The following IMMP2L variants were observed in gnomAD, a reference collection of about 807,000 sequenced individuals.
IMMP2L encodes the protein inner mitochondrial membrane peptidase subunit 2.
In IMMP2L, 18 loss-of-function variants were observed where a neutral mutation model predicts 19.3. The observed-to-expected ratio is 0.93, with a 90% CI of 0.64 to 1.38. The LOEUF (loss-of-function observed/expected upper bound fraction) is 1.38, where lower values mean the gene tolerates loss of function less well. Among genes scored for constraint, IMMP2L ranks in the 40% most tolerant of loss-of-function variants. IMMP2L has a pLI of 0.00. For synonymous variants in IMMP2L, 76 were observed against 73.0 expected (o/e 1.04, Z -0.21); for missense variants, 233 against 218.2 (o/e 1.07, Z -0.43).
At position 111,353,791 on chromosome 7, in the gene IMMP2L, ATCTT is replaced by A. The variant is rs1584766299; in HGVS notation, c.239+133443_239+133446del. The stretch of plus-strand genomic sequence containing the variant: ...ATACAACTTAATATATCAAAAGACT[ATCTT>A]TATACATTTTTATGATAGACACCAT... On this transcript the variant is annotated intron_variant, in intron 3 of 5. Coordinates refer to ENST00000405709, the MANE Select transcript of IMMP2L (RefSeq NM_032549.4). 2.0e-5 allele frequency among the ~76,000 whole-genome samples: 3 copies of A among 152,282 alleles called. No homozygotes were observed. In the South Asian group the frequency reaches 6.2e-4, roughly 32 times the overall value.
chr7:111,149,836 G>T (rs905691651), intron 3 of IMMP2L, among the ~76,000 whole-genome samples: 12 of 151,996 alleles, frequency 7.9e-5, no homozygotes, highest in Non-Finnish European at 1.5e-4. Context: ...GAAAAAGTGG[G>T]AGAATCACTT....
rs34643951 is a variant in IMMP2L, at chr7:111,123,672, C to T, written c.240-160107G>A. The T allele has an allele frequency of 4.4e-4, 710 of 1,613,832 alleles. 2 individuals carry two copies. The African/African-American group carries it at 7.6e-3, about 17-fold the overall frequency. On this transcript the variant is annotated intron_variant, in intron 3 of 5. Coordinates refer to ENST00000405709, the MANE Select transcript of IMMP2L (RefSeq NM_032549.4). This position sits in a 1 kb window ranked among gnomAD's most constrained non-coding sequence, Gnocchi z 6.4. ...ATAATATGCCTGAGCTGATTTCCAT[C>T]GATAGTCTTGCTGTGGATAACCTGC...
At chr7:111,469,972 T>C (rs1485040308) in intron 3 of IMMP2L, among the ~76,000 whole-genome samples, 1 of 152,014 alleles carries the variant, frequency 6.6e-6, no homozygotes, top group Non-Finnish European at 1.5e-5. Flanking sequence ...CGCAAGCTAC[T>C]CATCTGACAA....
intron 3 of IMMP2L, among the ~76,000 whole-genome samples, chr7:111,111,741 A>T (rs897878248): frequency 9.2e-5 from 14 of 151,972 alleles, no homozygotes; most frequent in African/African-American, 3.1e-4. Flanking sequence ...TACATAAAGT[A>T]GTCCTACATA....
intron 3 of IMMP2L, among the ~76,000 whole-genome samples, chr7:111,045,096 G>C (rs533340704): frequency 6.6e-6 from 1 of 152,182 alleles, no homozygotes; most frequent in African/African-American, 2.4e-5. Flanking sequence ...AGCACTCACA[G>C]ATTCCACTTT....
Position 110,818,394 on chromosome 7 carries a change from C to G in IMMP2L, c.408+68199G>C, listed in dbSNP as rs533846224. Among the ~76,000 whole-genome samples, 297 of 152,250 alleles carry G rather than the reference C, an allele frequency of 2.0e-3. 4 individuals carry two copies. Among genetic ancestry groups the G allele is most frequent in the African/African-American group, 6.8e-3 (283 of 41,556 alleles). On this transcript the variant is annotated intron_variant, in intron 5 of 5. Transcript: ENST00000405709. ...ATCATCACTGGCCATCAGAGAAATG[C>G]AAATCAAAACCACAATGAGATACCA... is the stretch of plus-strand genomic sequence containing the variant.
chr7:111,440,944 T>C (rs866911467), intron 3 of IMMP2L, among the ~76,000 whole-genome samples: 33 of 151,986 alleles, frequency 2.2e-4, no homozygotes, highest in Middle Eastern at 3.4e-3. Flanking sequence ...AGTGGTTTCT[T>C]TCCTTAAGCC....
At chr7:110,986,540 T>C (rs1220617752) in intron 3 of IMMP2L, among the ~76,000 whole-genome samples, 7 of 152,196 alleles carry the variant, frequency 4.6e-5, no homozygotes, top group Non-Finnish European at 8.8e-5. Context: ...GTTTTGAGGC[T>C]TCCCAGGTCT....
chr7:111,364,001 C>T (rs991998201), intron 3 of IMMP2L, among the ~76,000 whole-genome samples: 2 of 148,406 alleles, frequency 1.3e-5, no homozygotes, highest in African/African-American at 2.6e-5. Flanking sequence ...ATGTAAGATC[C>T]CCCCCCACAC....
intron 3 of IMMP2L, among the ~76,000 whole-genome samples, chr7:111,105,013 TGCAAAGAGCAGAGA>T (rs1384040664): frequency 6.6e-6 from 1 of 151,784 alleles, no homozygotes; most frequent in Non-Finnish European, 1.5e-5. Flanking sequence ...CTTGCCAGAA[TGCAAAGAGCAGAGA>T]GGCATGACCA....
intron 3 of IMMP2L, among the ~76,000 whole-genome samples, chr7:111,368,007 TTAAG>T (rs1272680010): frequency 6.6e-6 from 1 of 151,824 alleles, no homozygotes; most frequent in African/African-American, 2.4e-5. Flanking sequence ...AAAGGTATTA[TTAAG>T]TAATTAAGAT....
At chr7:111,075,865 A>T (rs1339349100) in intron 3 of IMMP2L, among the ~76,000 whole-genome samples, 1 of 152,210 alleles carries the variant, frequency 6.6e-6, no homozygotes, top group Non-Finnish European at 1.5e-5. Flanking sequence ...GCTAAAAGGT[A>T]GCCCAGGCTT....
chr7:111,254,552 C>A (rs935318980), intron 3 of IMMP2L, among the ~76,000 whole-genome samples: 1 of 152,026 alleles, frequency 6.6e-6, no homozygotes. Flanking sequence ...GTCAGAATAT[C>A]TGATACCTAG....
intron 3 of IMMP2L, among the ~76,000 whole-genome samples, chr7:111,016,929 AC>A (rs1825758286): frequency 2.1e-5 from 2 of 96,726 alleles, no homozygotes; most frequent in South Asian, 3.2e-4. Flanking sequence ...ATTTATATAT[AC>A]TAATATATAT....
chr7:110,946,282 CAAT>C (rs1318422716), intron 4 of IMMP2L, among the ~76,000 whole-genome samples: 1 of 152,168 alleles, frequency 6.6e-6, no homozygotes, highest in East Asian at 1.9e-4. Context: ...TCTACTACAA[CAAT>C]GCCACCCTTC....
intron 1 of IMMP2L, among the ~76,000 whole-genome samples, chr7:111,536,903 A>G (rs558866803): frequency 1.6e-4 from 24 of 152,230 alleles, no homozygotes; most frequent in African/African-American, 5.5e-4. Context: ...GTACTATTAT[A>G]CAATGGTTGT....
At chr7:111,270,022 T>C (rs1001120681) in intron 3 of IMMP2L, among the ~76,000 whole-genome samples, 1 of 151,444 alleles carries the variant, frequency 6.6e-6, no homozygotes, top group Non-Finnish European at 1.5e-5. Flanking sequence ...CCTATTCCTA[T>C]TGTACCATCT....
At chr7:111,435,841 C>T (rs868212722) in intron 3 of IMMP2L, among the ~76,000 whole-genome samples, 1 of 151,804 alleles carries the variant, frequency 6.6e-6, no homozygotes, top group South Asian at 2.1e-4. Flanking sequence ...TTCTTCCAGA[C>T]CCTTCAGTGT....
At chr7:111,105,198 C>A (rs1017914928) in intron 3 of IMMP2L, among the ~76,000 whole-genome samples, 1 of 151,790 alleles carries the variant, frequency 6.6e-6, no homozygotes, top group Non-Finnish European at 1.5e-5. Context: ...TAATTTGATT[C>A]TTCTTCATGA....
Sources: gnomAD v4.1 joint callset for allele counts (sites outside exome capture counted in the v4.1 genomes callset) on GRCh38, gnomAD v4.1.1 for gene constraint, Gnocchi (gnomAD v3.1) non-coding constraint, MANE v1.5 for transcripts, NCBI Gene and HGNC (gene_info 2026-07-23, HGNC 2026-07-21) for gene names.